DCC: variants seen among roughly 807,000 people sequenced by gnomAD.
DCC encodes netrin receptor DCC.
Under a neutral mutation model 172.5 loss-of-function variants are expected in DCC, and 58 were observed. That is an observed-to-expected ratio of 0.34 (90% CI 0.27 to 0.42). The LOEUF (loss-of-function observed/expected upper bound fraction) is 0.42. Ranked by LOEUF, DCC falls within the 10% of genes least tolerant of loss-of-function variation. The pLI is 1.00. For missense variants in DCC, 1,740 were observed against 1,791.0 expected, an observed-to-expected ratio of 0.97 and a Z score of 0.51; for synonymous variants, 709 against 644.5, an observed-to-expected ratio of 1.10 and a Z score of -1.52.
intron 25 of DCC, among the ~76,000 whole-genome samples, chr18:53,478,914 A>G (rs1043285043): frequency 6.6e-6 from 1 of 152,232 alleles, no homozygotes; most frequent in Non-Finnish European, 1.5e-5. Flanking sequence ...CTCGTCTGTG[A>G]GACGATCATC....
intron 12 of DCC, among the ~76,000 whole-genome samples, chr18:53,216,572 T>G (rs2055854792): frequency 6.6e-6 from 1 of 152,166 alleles, no homozygotes; most frequent in South Asian, 2.1e-4. Context: ...AATAGTAAAA[T>G]GTATGCGATG....
chr18:53,454,010 G>C (rs910638028), intron 23 of DCC, among the ~76,000 whole-genome samples: 2 of 152,122 alleles, frequency 1.3e-5, no homozygotes, highest in Non-Finnish European at 2.9e-5. Context: ...CCCTTCCACA[G>C]TTTCTATTAG....
intron 1 of DCC, among the ~76,000 whole-genome samples, chr18:52,422,998 CATTA>C (rs909033157): frequency 6.6e-6 from 1 of 152,096 alleles, no homozygotes; most frequent in African/African-American, 2.4e-5. Context: ...CACTTAGTGA[CATTA>C]ATTTATTGAA....
intron 1 of DCC, among the ~76,000 whole-genome samples, chr18:52,571,821 G>C (rs1490418286): frequency 6.6e-6 from 1 of 152,176 alleles, no homozygotes; most frequent in East Asian, 1.9e-4. Flanking sequence ...TCAGTCGTTG[G>C]AAGCACTGAC....
intron 1 of DCC, among the ~76,000 whole-genome samples, chr18:52,366,911 C>G (rs1984890673): frequency 6.6e-6 from 1 of 152,264 alleles, no homozygotes; most frequent in Non-Finnish European, 1.5e-5. Flanking sequence ...TCGCACTCCT[C>G]AGCCCTTGGG....
intron 5 of DCC, among the ~76,000 whole-genome samples, chr18:52,970,841 A>G (rs1798152898): frequency 6.6e-6 from 1 of 152,158 alleles, no homozygotes; most frequent in South Asian, 2.1e-4. Context: ...TTGGGGTATT[A>G]TTAGGCAAAA....
At chr18:52,781,495 C>T (rs762383586) in intron 2 of DCC, among the ~76,000 whole-genome samples, 11 of 152,092 alleles carry the variant, frequency 7.2e-5, no homozygotes, top group Non-Finnish European at 1.0e-4. Flanking sequence ...TCATTGTGAC[C>T]GCTGAAAGGG....
intron 2 of DCC, among the ~76,000 whole-genome samples, chr18:52,765,157 C>G (rs2037224834): frequency 2.0e-5 from 3 of 150,920 alleles, no homozygotes; most frequent in Non-Finnish European, 4.4e-5. Flanking sequence ...CCTCAGCCAC[C>G]TGAGTATCTG....
In DCC at chr18:52,893,622, G is replaced by GT. The variant is rs376286597; in HGVS notation, c.413-12421dup. Reference sequence around the variant, plus strand: ...AGAAAATATGCTGGATGTGAATTCTGTATTCCTACCTTGGAATTCTGAAAT... The same window carrying GT: ...AGAAAATATGCTGGATGTGAATTCTGTTATTCCTACCTTGGAATTCTGAAAT... On this transcript the variant is annotated intron_variant, in intron 2 of 28. Transcript: ENST00000442544. Among the ~76,000 whole-genome samples, 264 of 152,174 alleles carry GT rather than the reference G, an allele frequency of 1.7e-3. 1 individual carries two copies. The highest frequency in any genetic ancestry group is 6.1e-3 in the African/African-American group (252 of 41,524).
intron 7 of DCC, among the ~76,000 whole-genome samples, chr18:53,146,650 T>C: frequency 6.6e-6 from 1 of 152,308 alleles, no homozygotes; most frequent in Admixed American, 6.5e-5. Context: ...TCTATAATTC[T>C]TTTTACTTTA....
intron 25 of DCC, among the ~76,000 whole-genome samples, chr18:53,476,242 G>A (rs2045760907): frequency 1.3e-5 from 2 of 152,168 alleles, no homozygotes; most frequent in South Asian, 4.1e-4. Context: ...GCTGAAATGA[G>A]TTAAGACTTT....
At chr18:52,895,271 T>C (rs1236450982) in intron 2 of DCC, among the ~76,000 whole-genome samples, 1 of 152,250 alleles carries the variant, frequency 6.6e-6, no homozygotes, top group Non-Finnish European at 1.5e-5. Context: ...TAGCCATGTG[T>C]AATGAGATTT....
intron 15 of DCC, among the ~76,000 whole-genome samples, chr18:53,347,984 C>G (rs2057744511): frequency 6.6e-6 from 1 of 152,088 alleles, no homozygotes; most frequent in Admixed American, 6.6e-5. Context: ...GGTGGGGACA[C>G]AGCGAAACCA....
rs781429665 is a variant in DCC at position 53,205,278 on chromosome 18, A to G, written c.1636A>G (p.Ile546Val). 6.2e-7 allele frequency: 1 copy of G among 1,613,676 alleles called. No homozygotes were observed. The highest frequency in any genetic ancestry group is 8.5e-7 in the Non-Finnish European group (1 of 1,179,660). Residue 546 changes from isoleucine to valine, a missense_variant, in exon 10 of 29, where the codon ATT becomes GTT. Transcript: ENST00000442544. ...ATCTACCTCACCTACCTCAATTCTT[A>G]TTACCTGGGAACCCCCTGCCTATGC... ...AVSTSPTSIL[I>V]TWEPPAYANG... is the part of the protein sequence containing the mutation.
At chr18:52,686,698 C>A (rs1317848092) in intron 1 of DCC, among the ~76,000 whole-genome samples, 2 of 152,094 alleles carry the variant, frequency 1.3e-5, no homozygotes, top group Non-Finnish European at 2.9e-5. Flanking sequence ...TGAGCATGAT[C>A]CATGAGCTCC....
chr18:53,167,298 T>C (rs944658057), intron 8 of DCC, among the ~76,000 whole-genome samples: 1 of 152,228 alleles, frequency 6.6e-6, no homozygotes, highest in Non-Finnish European at 1.5e-5. Context: ...CTCTAAACTC[T>C]ACTTCTGAAA....
rs115649377 is a variant in DCC, at chr18:52,858,864, T to C, written c.413-47180T>C. Among the ~76,000 whole-genome samples, 554 of 152,240 alleles carry C rather than the reference T, an allele frequency of 3.6e-3. 1 individual carries two copies. The highest frequency in any genetic ancestry group is 0.012 in the African/African-American group (509 of 41,534). ...GCAATGTTTGCTTGCTTTTCTGGAG[T>C]TTCAGGGAAGCCAAAGTTCAAAAGC... is the stretch of plus-strand genomic sequence containing the variant. On this transcript the variant is annotated intron_variant, in intron 2 of 28. Transcript: ENST00000442544.
chr18:53,251,701 T>C (rs897755116), intron 12 of DCC, among the ~76,000 whole-genome samples: 20 of 151,912 alleles, frequency 1.3e-4, no homozygotes, highest in Admixed American at 1.1e-3. Context: ...GTAGACACTG[T>C]ACCACATAGG....
chr18:52,441,577 T>C (rs886429447), intron 1 of DCC, among the ~76,000 whole-genome samples: 5 of 152,198 alleles, frequency 3.3e-5, no homozygotes, highest in African/African-American at 1.2e-4. Context: ...AGCTTACTGT[T>C]GAATTTTTAA....
Sources: allele counts gnomAD v4.1 joint callset (sites outside exome capture counted in the v4.1 genomes callset), GRCh38; gene constraint gnomAD v4.1.1; transcripts MANE v1.5; gene names NCBI Gene and HGNC (gene_info 2026-07-23, HGNC 2026-07-21).